The following SLC35A3 variants were observed in gnomAD, a reference collection of about 807,000 sequenced individuals.
SLC35A3 encodes the protein UDP-N-acetylglucosamine transporter.
In SLC35A3, 26 loss-of-function variants were observed where a neutral mutation model predicts 39.0. That is an observed-to-expected ratio of 0.67 (90% CI 0.49 to 0.92). The LOEUF (loss-of-function observed/expected upper bound fraction) is 0.92. Among genes scored for constraint, SLC35A3 ranks in the 40% least tolerant of loss-of-function variants. The pLI, the probability that SLC35A3 is intolerant of heterozygous loss-of-function variation, is 0.00. For synonymous variants in SLC35A3, 135 were observed against 133.1 expected (o/e 1.01, Z -0.10); for missense variants, 299 against 371.6 (o/e 0.80, Z 1.61).
Position 100,022,453 on chromosome 1 carries a change from G to A in SLC35A3, c.955G>A (p.Ala319Thr). The change falls in exon 8 of 8, where the codon GCA (alanine) becomes ACA (threonine). Residue 319 changes from alanine (A) to threonine (T), a missense_variant. Transcript: ENST00000533028. The part of the protein sequence containing the change: ...TFLYGYDPKP[A>T]GNPTKA ...TTTGTATGGTTATGATCCCAAACCTGCAGGAAATCCCACTAAAGCATAGTT... is the reference window on the plus strand; with the variant it reads ...TTTGTATGGTTATGATCCCAAACCTACAGGAAATCCCACTAAAGCATAGTT... 6.2e-7 allele frequency: 1 copy of A among 1,600,404 alleles called. No homozygotes were observed. The highest frequency in any genetic ancestry group is 8.6e-7 in the Non-Finnish European group (1 of 1,169,302).
At chr1:99,972,508 G>T (rs1267724065) in intron 1 of SLC35A3, among the ~76,000 whole-genome samples, 1 of 150,888 alleles carries the variant, frequency 6.6e-6, no homozygotes, top group East Asian at 2.0e-4. Context: ...GCTAATTTTT[G>T]TATTTTTAGT....
In SLC35A3 at chr1:99,976,009, G is replaced by A. The variant is rs541886718; in HGVS notation, c.-19+5847G>A. Reference sequence around the variant, plus strand: ...CAGTAGGTTGAGGCTGCAGCGAGCCGTGATCACAGCACTGCAGTCCAGCCT... The same window carrying A: ...CAGTAGGTTGAGGCTGCAGCGAGCCATGATCACAGCACTGCAGTCCAGCCT... On this transcript the variant is annotated intron_variant, in intron 1 of 7. Transcript: ENST00000533028. Among the ~76,000 whole-genome samples the A allele has an allele frequency of 4.6e-5, 7 of 152,214 alleles. No homozygotes were observed. The South Asian group carries it at 8.3e-4, about 18-fold the overall frequency.
In SLC35A3 at chr1:100,022,990, A is replaced by G. The variant is rs1158325719; in HGVS notation, c.*514A>G. On this transcript the variant is annotated 3_prime_UTR_variant, in exon 8 of 8. Transcript: ENST00000533028. ...AGAGATTTTTATATTTATACAAAAG[A>G]TTACTAAATGAAGGATTGCTAAATG... 6.6e-6 allele frequency: 1 copy of G among 152,586 alleles called. No homozygotes were observed. Among genetic ancestry groups the G allele is most frequent in the Non-Finnish European group, 1.5e-5 (1 of 68,042 alleles). 9.5% of individuals were successfully genotyped at this position (152,586 alleles called of 1,614,324 possible).
chr1:99,979,387 A>G (rs967884923), intron 1 of SLC35A3, among the ~76,000 whole-genome samples: 2 of 144,314 alleles, frequency 1.4e-5, no homozygotes, highest in East Asian at 2.1e-4. Flanking sequence ...CTTCATCTTT[A>G]TATTGCATTC....
intron 2 of SLC35A3, among the ~76,000 whole-genome samples, chr1:99,997,454 A>ATATATATG (rs1658487367): frequency 1.1e-5 from 1 of 95,068 alleles, no homozygotes; most frequent in African/African-American, 3.5e-5. Flanking sequence ...ATATATATAT[A>ATATATATG]TATGGATCTT....
chr1:100,013,946 G>T (rs1304070325), intron 5 of SLC35A3, among the ~76,000 whole-genome samples: 1 of 152,078 alleles, frequency 6.6e-6, no homozygotes, highest in African/African-American at 2.4e-5. Flanking sequence ...ATATTTCAAA[G>T]GTGACCCATA....
At chr1:99,987,026 C>T (rs1175188492) in intron 1 of SLC35A3, among the ~76,000 whole-genome samples, 1 of 152,212 alleles carries the variant, frequency 6.6e-6, no homozygotes, top group African/African-American at 2.4e-5. Context: ...TTAGATGCCT[C>T]TGCCAAATGT....
At chr1:99,981,339 GA>G (rs1287706656) in intron 1 of SLC35A3, among the ~76,000 whole-genome samples, 3 of 152,118 alleles carry the variant, frequency 2.0e-5, no homozygotes, top group African/African-American at 7.2e-5. Context: ...ATAGTGTTTA[GA>G]AAATGTAAAT....
At position 100,035,065 on chromosome 1, in the gene SLC35A3, A is replaced by G. The variant is rs1404723731; in HGVS notation, c.*12589A>G. 1 of 152,156 alleles carries G rather than the reference A, an allele frequency of 6.6e-6. No individual in the cohort carries two copies. The highest frequency in any genetic ancestry group is 2.4e-5 in the African/African-American group (1 of 41,440). 9.4% of individuals were successfully genotyped at this position (152,156 alleles called of 1,614,324 possible). Reference sequence around the variant, plus strand: ...TAGCGCAAAGTTTGTGAATACGGTCATCCCTCCATATGAGGAGGGGAGTGG... The same window carrying G: ...TAGCGCAAAGTTTGTGAATACGGTCGTCCCTCCATATGAGGAGGGGAGTGG... On this transcript the variant is annotated 3_prime_UTR_variant, in exon 8 of 8. Coordinates refer to ENST00000533028, the MANE Select transcript of SLC35A3 (RefSeq NM_012243.3).
chr1:99,997,978 T>C (rs1352779887), intron 2 of SLC35A3, among the ~76,000 whole-genome samples: 2 of 152,072 alleles, frequency 1.3e-5, no homozygotes, highest in Non-Finnish European at 2.9e-5. Flanking sequence ...TCTCTTTTTT[T>C]CCTCTCCTGG....
chr1:99,975,613 A>G (rs1287252821), intron 1 of SLC35A3, among the ~76,000 whole-genome samples: 1 of 152,210 alleles, frequency 6.6e-6, no homozygotes, highest in Non-Finnish European at 1.5e-5. Flanking sequence ...AGGTGTTTAA[A>G]AAGACGAATA....
intron 1 of SLC35A3, among the ~76,000 whole-genome samples, chr1:99,976,290 G>A (rs1657102355): frequency 6.6e-6 from 1 of 152,140 alleles, no homozygotes; most frequent in Non-Finnish European, 1.5e-5. Context: ...TTCTAAGACT[G>A]TAGGTTTACC....
Position 99,999,285 on chromosome 1 carries a change from G to T in SLC35A3, c.212G>T (p.Arg71Leu), listed in dbSNP as rs1461703583. 6.4e-7 allele frequency: 1 copy of T among 1,573,866 alleles called. No homozygotes were observed. The highest frequency in any genetic ancestry group is 1.9e-5 in the Admixed American group (1 of 51,346). ...GAATGTAGTCTAAGAGCACTGAATC[G>T]AGTACTACATGATGAAATTCTTAAT... is the stretch of plus-strand genomic sequence containing the variant. ...DSKCSLRALN[R>L]VLHDEILNKP... Residue 71 changes from arginine (R) to leucine (L), a missense_variant, in exon 3 of 8, where the codon CGA becomes CTA. Coordinates refer to ENST00000533028, the MANE Select transcript of SLC35A3 (RefSeq NM_012243.3).
chr1:100,012,456 AATG>A (rs1425891450), intron 5 of SLC35A3, among the ~76,000 whole-genome samples: 1 of 152,182 alleles, frequency 6.6e-6, no homozygotes, highest in East Asian at 1.9e-4. Flanking sequence ...CATAGAAAAA[AATG>A]ATAACAGACT....
chr1:100,009,370 A>G (rs1264180429), intron 4 of SLC35A3: 3 of 152,206 alleles, frequency 2.0e-5, no homozygotes, highest in Non-Finnish European at 4.4e-5. Context: ...AAGCACAAAT[A>G]AGTTAAGGAG....
rs550815900 is a variant in SLC35A3, at chr1:99,994,929, A to G, written c.187+1188A>G. Among the ~76,000 whole-genome samples, 3 of 152,342 alleles carry G rather than the reference A, an allele frequency of 2.0e-5. No individual in the cohort carries two copies. The South Asian group carries it at 6.2e-4, about 32-fold the overall frequency. ...CATTTTATATCTCCATCAACAAAGT[A>G]TGAAGGTTCCTGTTTCTTCACATCT... On this transcript the variant is annotated intron_variant, in intron 2 of 7. Transcript: ENST00000533028.
chr1:99,986,377 G>A (rs995994543), intron 1 of SLC35A3, among the ~76,000 whole-genome samples: 3 of 151,590 alleles, frequency 2.0e-5, no homozygotes, highest in Non-Finnish European at 4.4e-5. Context: ...CATTGCATAG[G>A]CTGGTCTCTA....
Position 100,030,393 on chromosome 1 carries a change from G to A in SLC35A3, c.*7917G>A, listed in dbSNP as rs1344035667. 1.3e-5 allele frequency: 2 copies of A among 152,200 alleles called. No individual in the cohort carries two copies. The highest frequency in any genetic ancestry group is 2.4e-5 in the African/African-American group (1 of 41,452). 9.4% of individuals were successfully genotyped at this position (152,200 alleles called of 1,614,324 possible). ...TATACTTTAAGCTTGTCCAACGCGC[G>A]GCCTGCAGGCTGCATGCAGCCCAGG... On this transcript the variant is annotated 3_prime_UTR_variant, in exon 8 of 8. Transcript: ENST00000533028.
chr1:100,004,438 C>A (rs756764130), intron 3 of SLC35A3, among the ~76,000 whole-genome samples: 1 of 152,054 alleles, frequency 6.6e-6, no homozygotes, highest in Admixed American at 6.6e-5. Context: ...AGTAGCTGGG[C>A]CTACCCATGC....
Sources: gnomAD v4.1 joint callset for allele counts (sites outside exome capture counted in the v4.1 genomes callset) on GRCh38, gnomAD v4.1.1 for gene constraint, MANE v1.5 for transcripts, NCBI Gene and HGNC (gene_info 2026-07-23, HGNC 2026-07-21) for gene names.